Variants in RAD51 observed in about 807,000 individuals in gnomAD.
RAD51 encodes DNA repair protein RAD51 homolog 1.
In RAD51, 14 loss-of-function variants were observed where a neutral mutation model predicts 41.5. The observed-to-expected ratio is 0.34, with a 90% confidence interval of 0.22 to 0.53. The LOEUF is 0.53. RAD51 is among the 20% of genes least tolerant of loss of function. The pLI, the probability that RAD51 is intolerant of heterozygous loss-of-function variation, is 0.95. For synonymous variants in RAD51, 136 were observed against 148.6 expected (o/e 0.92, Z 0.62); for missense variants, 234 against 422.0 (o/e 0.55, Z 3.90).
At chr15:40,725,333 G>A (rs960098871) in intron 6 of RAD51, among the ~76,000 whole-genome samples, 6 of 152,066 alleles carry the variant, frequency 3.9e-5, no homozygotes, top group Admixed American at 1.3e-4. Context: ...ACTGTGCCTC[G>A]CTGAAAAATA....
chr15:40,706,950 A>G (rs990681647), intron 4 of RAD51, among the ~76,000 whole-genome samples: 1 of 152,114 alleles, frequency 6.6e-6, no homozygotes, highest in African/African-American at 2.4e-5. Flanking sequence ...TTGTGTACAC[A>G]CTAATCTTCA....
chr15:40,710,241 C>CAAAAA (rs71104728), intron 5 of RAD51, among the ~76,000 whole-genome samples: 30 of 44,300 alleles, frequency 6.8e-4, no homozygotes, highest in Non-Finnish European at 9.8e-4. Context: ...GACTCTGTCT[C>CAAAAA]AAAAAAAAAA....
intron 5 of RAD51, 139 bp downstream of exon 5, chr15:40,709,255 G>C (rs1424606133): frequency 1.4e-6 from 1 of 700,528 alleles, no homozygotes; most frequent in Non-Finnish European, 2.5e-6. Context: ...TTAGAAGATA[G>C]ACTCCTACTT....
intron 5 of RAD51, among the ~76,000 whole-genome samples, chr15:40,715,704 A>T (rs1326579065): frequency 6.6e-6 from 1 of 152,186 alleles, no homozygotes. Flanking sequence ...GAGCTTGTCC[A>T]CTATCCTGTT....
At chr15:40,707,551 C>T (rs1459294121) in intron 4 of RAD51, among the ~76,000 whole-genome samples, 1 of 152,146 alleles carries the variant, frequency 6.6e-6, no homozygotes, top group Non-Finnish European at 1.5e-5. Context: ...AGATGATCTA[C>T]CCGCCTCAGC....
At chr15:40,721,301 G>A (rs999688041) in intron 6 of RAD51, among the ~76,000 whole-genome samples, 7 of 152,024 alleles carry the variant, frequency 4.6e-5, no homozygotes, top group Non-Finnish European at 7.4e-5. Flanking sequence ...GGAACATAAC[G>A]TGGAAATGCA....
chr15:40,700,549 CA>C (rs35733069), intron 2 of RAD51, among the ~76,000 whole-genome samples: 1 of 151,660 alleles, frequency 6.6e-6, no homozygotes, highest in Non-Finnish European at 1.5e-5. Context: ...TTTAGGGTCA[CA>C]AAAAAAGGTT....
Position 40,718,802 on chromosome 15 carries a change from T to C in RAD51, c.436-3T>C. On this transcript the variant is annotated splice_region_variant and splice_polypyrimidine_tract_variant and intron_variant, in intron 5 of 9. Transcript: ENST00000267868. ...TTTCTACTGTTGTTTTTGTTCTCTA[T>C]AGCTTCCCATTGACCGGGGTGGAGG... 6.2e-7 allele frequency: 1 copy of C among 1,601,962 alleles called. No individual in the cohort carries two copies. The highest frequency in any genetic ancestry group is 8.6e-7 in the Non-Finnish European group (1 of 1,169,118).
chr15:40,701,398 G>A (rs1334854706), intron 3 of RAD51, among the ~76,000 whole-genome samples, 197 bp downstream of exon 3: 1 of 139,444 alleles, frequency 7.2e-6, no homozygotes, highest in Non-Finnish European at 1.5e-5. Context: ...TTTTGGAGAC[G>A]GGTTCTCGCT....
chr15:40,712,696 A>G (rs1391301724), intron 5 of RAD51, among the ~76,000 whole-genome samples: 1 of 152,094 alleles, frequency 6.6e-6, no homozygotes, highest in Non-Finnish European at 1.5e-5. Flanking sequence ...GTTATTTTGA[A>G]AAACATGGCA....
At chr15:40,726,242 ATTT>A (rs34696783) in intron 6 of RAD51, among the ~76,000 whole-genome samples, 9 of 124,436 alleles carry the variant, frequency 7.2e-5, no homozygotes, top group African/African-American at 6.1e-5. Context: ...AGGCCCAGGA[ATTT>A]TTTTTTTTTT....
chr15:40,711,926 T>C, intron 5 of RAD51, among the ~76,000 whole-genome samples: 1 of 151,724 alleles, frequency 6.6e-6, no homozygotes, highest in East Asian at 1.9e-4. Context: ...AATATAAAAA[T>C]TAGCCAGACG....
intron 5 of RAD51, among the ~76,000 whole-genome samples, chr15:40,718,476 C>T (rs1446649866): frequency 1.3e-5 from 2 of 151,252 alleles, no homozygotes; most frequent in Admixed American, 1.3e-4. Context: ...CGAGATAACG[C>T]CACTGCACTC....
chr15:40,706,416 G>A, intron 4 of RAD51, 122 bp downstream of exon 4: 1 of 880,900 alleles, frequency 1.1e-6, no homozygotes, highest in Non-Finnish European at 1.9e-6. Flanking sequence ...ATAGAGGAAG[G>A]CCAGGTGCAG....
intron 5 of RAD51, among the ~76,000 whole-genome samples, chr15:40,713,764 G>A (rs915410409): frequency 4.6e-5 from 7 of 151,520 alleles, no homozygotes; most frequent in African/African-American, 1.2e-4. Flanking sequence ...CCGCCACCAC[G>A]CCTGGCTAAT....
chr15:40,698,475 C>T (rs931655181), intron 1 of RAD51, among the ~76,000 whole-genome samples: 1 of 152,116 alleles, frequency 6.6e-6, no homozygotes, highest in East Asian at 1.9e-4. Flanking sequence ...CATGAGCCAC[C>T]GCGCCCCGCC....
At chr15:40,706,962 G>A (rs1387366707) in intron 4 of RAD51, among the ~76,000 whole-genome samples, 2 of 151,862 alleles carry the variant, frequency 1.3e-5, no homozygotes, top group Non-Finnish European at 2.9e-5. Flanking sequence ...TAATCTTCAG[G>A]ACTTCAGGGA....
chr15:40,712,023 G>A (rs185866013), intron 5 of RAD51, among the ~76,000 whole-genome samples: 2 of 149,682 alleles, frequency 1.3e-5, no homozygotes, highest in Admixed American at 6.7e-5. Context: ...CATGAGCCAA[G>A]ATTGTACCAC....
At chr15:40,716,104 G>A (rs1252456139) in intron 5 of RAD51, among the ~76,000 whole-genome samples, 1 of 152,166 alleles carries the variant, frequency 6.6e-6, no homozygotes, top group Non-Finnish European at 1.5e-5. Context: ...ACTAAAGTCA[G>A]TGCCCTAAAG....
Sources: gnomAD v4.1 joint callset for allele counts (sites outside exome capture counted in the v4.1 genomes callset) on GRCh38, gnomAD v4.1.1 for gene constraint, MANE v1.5 for transcripts, NCBI Gene and HGNC (gene_info 2026-07-23, HGNC 2026-07-21) for gene names.